NNMT: variants seen among roughly 807,000 people sequenced by gnomAD.
The protein encoded by NNMT is nicotinamide N-methyltransferase.
A neutral mutation model predicts 11.7 loss-of-function variants in NNMT; 10 were observed. That is an observed-to-expected ratio of 0.85 (90% CI 0.53 to 1.45). The LOEUF is 1.45. NNMT is among the 40% of genes most tolerant of loss of function. The pLI is 0.00. For missense variants in NNMT, 381 were observed against 319.4 expected (o/e 1.19, Z -1.47); for synonymous variants, 143 against 133.8 (o/e 1.07, Z -0.48).
intron 2 of NNMT, among the ~76,000 whole-genome samples, chr11:114,269,310 T>A (rs1945150791): frequency 1.3e-5 from 2 of 152,198 alleles, no homozygotes; most frequent in Non-Finnish European, 2.9e-5. Context: ...CTTACCTTAA[T>A]CCATTGTGTT....
chr11:114,305,981 C>T (rs1169490724), intron 2 of NNMT, among the ~76,000 whole-genome samples: 3 of 152,286 alleles, frequency 2.0e-5, no homozygotes, highest in South Asian at 2.1e-4. Flanking sequence ...TAAAAGTGTT[C>T]CTATTTCTCC....
intron 2 of NNMT, among the ~76,000 whole-genome samples, chr11:114,266,724 G>A (rs1945122991): frequency 6.6e-6 from 1 of 152,126 alleles, no homozygotes; most frequent in African/African-American, 2.4e-5. Flanking sequence ...TATTATCATG[G>A]GAGTAGGTTT....
chr11:114,296,532 T>TC lies in NNMT; in HGVS notation c.-23dup. On this transcript the variant is annotated 5_prime_UTR_variant, in exon 1 of 3. Coordinates refer to ENST00000299964, the MANE Select transcript of NNMT (RefSeq NM_006169.3). ...GGAGGAAAGAGAAGGAGGGCAGTGC[T>TC]CCAGTGGTACAGAAGTGAGACATAA... 1 of 1,610,464 alleles carries TC rather than the reference T, an allele frequency of 6.2e-7. No individual in the cohort carries two copies. The highest frequency in any genetic ancestry group is 8.5e-7 in the Non-Finnish European group (1 of 1,178,276).
At chr11:114,291,246 CTG>C (rs1461549617) in intron 2 of NNMT, among the ~76,000 whole-genome samples, 1 of 152,218 alleles carries the variant, frequency 6.6e-6, no homozygotes, top group Admixed American at 6.5e-5. Flanking sequence ...CTTCTGTACT[CTG>C]TGGTGTGAGA....
intron 1 of NNMT, among the ~76,000 whole-genome samples, chr11:114,258,564 T>C (rs1002070691): frequency 8.5e-5 from 13 of 152,242 alleles, no homozygotes; most frequent in Admixed American, 6.5e-4. Context: ...CTGGCCTCAG[T>C]GCCCTGCTTC....
chr11:114,266,316 GT>G (rs1420909286), intron 2 of NNMT, among the ~76,000 whole-genome samples: 2 of 152,104 alleles, frequency 1.3e-5, no homozygotes, highest in Non-Finnish European at 2.9e-5. Flanking sequence ...TTTCCTAAAT[GT>G]TTTACTTATG....
chr11:114,299,744 T>C (rs1945419215), intron 2 of NNMT, among the ~76,000 whole-genome samples: 1 of 152,114 alleles, frequency 6.6e-6, no homozygotes, highest in African/African-American at 2.4e-5. Flanking sequence ...TGGTAAGTGG[T>C]ACTTTTCAAG....
At chr11:114,300,002 T>C (rs1396607435) in intron 2 of NNMT, among the ~76,000 whole-genome samples, 2 of 152,212 alleles carry the variant, frequency 1.3e-5, no homozygotes, top group African/African-American at 4.8e-5. Flanking sequence ...CTGTCCATTT[T>C]CTATTTCATT....
intron 2 of NNMT, among the ~76,000 whole-genome samples, chr11:114,281,103 C>A: frequency 6.6e-6 from 1 of 152,148 alleles, no homozygotes; most frequent in African/African-American, 2.4e-5. Flanking sequence ...GGATGACAGA[C>A]CGAGGGAGGG....
chr11:114,279,425 A>ACCC (rs1443231470), intron 2 of NNMT, among the ~76,000 whole-genome samples: 4 of 152,150 alleles, frequency 2.6e-5, no homozygotes, highest in Non-Finnish European at 5.9e-5. Context: ...GCGAAGATGA[A>ACCC]TCTTAAAGGA....
chr11:114,275,522 G>A (rs1322183726), intron 2 of NNMT, among the ~76,000 whole-genome samples: 1 of 152,192 alleles, frequency 6.6e-6, no homozygotes, highest in Admixed American at 6.5e-5. Flanking sequence ...GCGGTCCCTA[G>A]GCTTGCCCGT....
chr11:114,294,771 G>A (rs1283382996), upstream of NNMT, among the ~76,000 whole-genome samples: 4 of 143,942 alleles, frequency 2.8e-5, no homozygotes, highest in African/African-American at 7.7e-5. Flanking sequence ...AATAGCAACC[G>A]AAAAAAAAAG....
At chr11:114,264,065 T>A (rs544321) in intron 2 of NNMT, among the ~76,000 whole-genome samples, 12 of 151,844 alleles carry the variant, frequency 7.9e-5, no homozygotes, top group African/African-American at 2.9e-4. Context: ...AAAAGTCAGC[T>A]CCTCCTCTTG....
chr11:114,280,600 G>A (rs1945252620), intron 2 of NNMT, among the ~76,000 whole-genome samples: 1 of 152,164 alleles, frequency 6.6e-6, no homozygotes, highest in Non-Finnish European at 1.5e-5. Context: ...TTCAGGGGAA[G>A]GTACAGGCAG....
intron 1 of NNMT, among the ~76,000 whole-genome samples, chr11:114,261,726 G>A (rs548525222): frequency 6.6e-6 from 1 of 152,298 alleles, no homozygotes; most frequent in South Asian, 2.1e-4. Context: ...ACTACTCGGG[G>A]TTGGGGGACG....
intron 2 of NNMT, among the ~76,000 whole-genome samples, chr11:114,309,210 AGTTT>A (rs1157185249): frequency 6.6e-6 from 1 of 152,154 alleles, no homozygotes; most frequent in Non-Finnish European, 1.5e-5. Context: ...GTTCTAGATT[AGTTT>A]GTCTATTCAA....
At chr11:114,260,440 C>T (rs575185023) in intron 1 of NNMT, among the ~76,000 whole-genome samples, 34 of 152,200 alleles carry the variant, frequency 2.2e-4, no homozygotes, top group Non-Finnish European at 4.3e-4. Context: ...GGGAATACAG[C>T]CTTTCCTTCA....
intron 2 of NNMT, among the ~76,000 whole-genome samples, chr11:114,281,476 CT>C (rs1945262936): frequency 6.6e-6 from 1 of 152,062 alleles, no homozygotes; most frequent in South Asian, 2.1e-4. Flanking sequence ...TCAATGAAGT[CT>C]TCCTGGAATT....
chr11:114,278,337 A>T (rs1048120207), intron 2 of NNMT, among the ~76,000 whole-genome samples: 4 of 152,056 alleles, frequency 2.6e-5, no homozygotes, highest in Admixed American at 6.6e-5. Context: ...TTCATGAGGG[A>T]TTTGCTCCCA....
Sources: allele counts gnomAD v4.1 joint callset (sites outside exome capture counted in the v4.1 genomes callset), GRCh38; gene constraint gnomAD v4.1.1; transcripts MANE v1.5; gene names NCBI Gene and HGNC (gene_info 2026-07-23, HGNC 2026-07-21).